KIF26B: variants seen among roughly 807,000 people sequenced by gnomAD.
The protein encoded by KIF26B is kinesin-like protein KIF26B.
A neutral mutation model predicts 151.2 loss-of-function variants in KIF26B; 63 were observed. That is an observed-to-expected ratio of 0.42 (90% CI 0.34 to 0.51). KIF26B has a LOEUF of 0.51. Among genes scored for constraint, KIF26B ranks in the 20% least tolerant of loss-of-function variants. The pLI is 0.07. For synonymous variants in KIF26B, 1,357 were observed against 1,262.1 expected, an observed-to-expected ratio of 1.08 and a Z score of -1.59; for missense variants, 2,813 against 2,913.6, an observed-to-expected ratio of 0.97 and a Z score of 0.79.
chr1:245,687,182 G>A lies in KIF26B; in HGVS notation c.4199G>A (p.Ser1400Asn). The change falls in exon 12 of 15, where the codon AGC (serine) becomes AAC (asparagine). Residue 1400 changes from serine to asparagine, a missense_variant. This residue lies in a region of KIF26B where 2,060 missense variants were observed against 2,088.6 expected (regional missense o/e 0.99). Coordinates refer to ENST00000407071, the MANE Select transcript of KIF26B (RefSeq NM_018012.4). The surrounding 1 kb of genome is among the most constrained non-coding windows in gnomAD (Gnocchi z 4.9). ...ACAGTTTACCCCTGCATTGCCATGAGCCCCCGGAACATCCAAGAGCCGGAG... is the reference window on the plus strand; with the variant it reads ...ACAGTTTACCCCTGCATTGCCATGAACCCCCGGAACATCCAAGAGCCGGAG... ...NITVYPCIAMSPRNIQEPEAP... is the reference protein window; with the variant it reads ...NITVYPCIAMNPRNIQEPEAP... 6.2e-7 allele frequency: 1 copy of A among 1,612,894 alleles called. No individual in the cohort carries two copies. The highest frequency in any genetic ancestry group is 8.5e-7 in the Non-Finnish European group (1 of 1,179,676).
rs369537278 is a variant in KIF26B at position 245,352,754 on chromosome 1, T to C, written c.466-14080T>C. 3.3e-4 allele frequency among the ~76,000 whole-genome samples: 50 copies of C among 152,218 alleles called. No individual in the cohort carries two copies. In the East Asian group the frequency reaches 5.0e-3, roughly 15 times the overall value. ...TCTTCGCATTTTTGGGAATCTCAAC[T>C]CCTGAGCCTGTCTTACTAGTACGGG... On this transcript the variant is annotated intron_variant, in intron 2 of 14. Coordinates refer to ENST00000407071, the MANE Select transcript of KIF26B (RefSeq NM_018012.4). This position sits in a 1 kb window ranked among gnomAD's most constrained non-coding sequence, Gnocchi z 5.0.
intron 4 of KIF26B, among the ~76,000 whole-genome samples, chr1:245,476,070 G>A (rs1660031958): frequency 6.6e-6 from 1 of 151,818 alleles, no homozygotes; most frequent in South Asian, 2.1e-4. Flanking sequence ...AAAGTTATTC[G>A]CCACAAAAAG....
At chr1:245,230,425 G>A (rs572410768) in intron 2 of KIF26B, among the ~76,000 whole-genome samples, 2 of 152,256 alleles carry the variant, frequency 1.3e-5, no homozygotes, top group South Asian at 2.1e-4. Context: ...GAAAATGGCA[G>A]CAAACATCCA....
At chr1:245,216,215 AC>A (rs1275016265) in intron 2 of KIF26B, 18 of 134,912 alleles carry the variant, frequency 1.3e-4, no homozygotes, top group African/African-American at 6.8e-4. Context: ...AAAAAAAAAC[AC>A]ACACACACAA....
chr1:245,387,144 GT>G (rs202098222), intron 3 of KIF26B, among the ~76,000 whole-genome samples: 2 of 144,828 alleles, frequency 1.4e-5, no homozygotes, highest in East Asian at 2.0e-4. Context: ...TCTGACCTAG[GT>G]TTTTTTTTGT....
intron 3 of KIF26B, among the ~76,000 whole-genome samples, chr1:245,408,417 C>A (rs538281003): frequency 7.5e-6 from 1 of 132,596 alleles, no homozygotes; most frequent in Non-Finnish European, 1.5e-5. Flanking sequence ...TGCAGTGGTG[C>A]GATCTCAGCT....
intron 2 of KIF26B, among the ~76,000 whole-genome samples, chr1:245,253,274 G>A (rs1428182865): frequency 6.6e-6 from 1 of 151,970 alleles, no homozygotes; most frequent in Non-Finnish European, 1.5e-5. Flanking sequence ...CTCCCAAAGT[G>A]CTGGGATTAC....
At chr1:245,258,525 T>C (rs1422253173) in intron 2 of KIF26B, among the ~76,000 whole-genome samples, 1 of 152,110 alleles carries the variant, frequency 6.6e-6, no homozygotes, top group Non-Finnish European at 1.5e-5. Context: ...CCTGCAAAAA[T>C]GAGCAGGTAA....
rs2043400231 is a variant in KIF26B, at chr1:245,601,917, G to A, written c.1351-660G>A. Among the ~76,000 whole-genome samples, 1 of 152,180 alleles carries A rather than the reference G, an allele frequency of 6.6e-6. No individual in the cohort carries two copies. Among genetic ancestry groups the A allele is most frequent in the South Asian group, 2.1e-4 (1 of 4,830 alleles). Reference sequence around the variant, plus strand: ...TCAGTGTTCAATCACGCAGAAAGTGGGCTAAAGGGCAGCGCCTCCTGCTCC... The same window carrying A: ...TCAGTGTTCAATCACGCAGAAAGTGAGCTAAAGGGCAGCGCCTCCTGCTCC... On this transcript the variant is annotated intron_variant, in intron 5 of 14. Transcript: ENST00000407071. This position sits in a 1 kb window ranked among gnomAD's most constrained non-coding sequence, Gnocchi z 4.4.
chr1:245,171,205 A>G (rs1668700813), intron 2 of KIF26B, among the ~76,000 whole-genome samples: 3 of 152,378 alleles, frequency 2.0e-5, no homozygotes, highest in Admixed American at 2.0e-4. Flanking sequence ...CCTCTTCAGC[A>G]CATTATATCT....
chr1:245,449,978 A>G (rs1048273413), intron 4 of KIF26B, among the ~76,000 whole-genome samples: 2 of 152,190 alleles, frequency 1.3e-5, no homozygotes, highest in Admixed American at 6.5e-5. Flanking sequence ...CATATGTGGT[A>G]GATGTGTTAT....
rs545771939 is a variant in KIF26B at position 245,505,181 on chromosome 1, G to A, written c.1167-35586G>A. Among the ~76,000 whole-genome samples, 59 of 149,650 alleles carry A rather than the reference G, an allele frequency of 3.9e-4. 1 individual carries two copies. Among genetic ancestry groups the A allele is most frequent in the African/African-American group, 4.9e-4 (20 of 40,716 alleles). ...TCGAACTCATGACCTCAAGTGATCC[G>A]CCTGCCTTGGCCTCCAAAAGTGCTG... On this transcript the variant is annotated intron_variant, in intron 4 of 14. Transcript: ENST00000407071.
At chr1:245,414,598 C>T (rs1230714804) in intron 3 of KIF26B, among the ~76,000 whole-genome samples, 3 of 152,304 alleles carry the variant, frequency 2.0e-5, no homozygotes, top group Non-Finnish European at 2.9e-5. Flanking sequence ...GCGGGGCTCA[C>T]GTATGGGAAC....
chr1:245,409,726 G>A (rs1010579316), intron 3 of KIF26B, among the ~76,000 whole-genome samples: 12 of 152,094 alleles, frequency 7.9e-5, no homozygotes, highest in Non-Finnish European at 5.9e-5. Context: ...GCTGGCTGGG[G>A]GTGCTGGACA....
chr1:245,531,906 G>A (rs1311826432), intron 4 of KIF26B, among the ~76,000 whole-genome samples: 2 of 152,076 alleles, frequency 1.3e-5, no homozygotes, highest in Non-Finnish European at 2.9e-5. Flanking sequence ...AGACCATCCT[G>A]GGCAACAAAG....
chr1:245,158,837 A>T (rs1026089349), intron 2 of KIF26B, among the ~76,000 whole-genome samples: 4 of 61,022 alleles, frequency 6.6e-5, no homozygotes, highest in African/African-American at 2.4e-4. Flanking sequence ...GTGAATAATA[A>T]TTGTGTGTGT....
chr1:245,685,832 T>C lies in KIF26B; in HGVS notation c.2849T>C (p.Leu950Pro), dbSNP rs751705273. The C allele has an allele frequency of 5.0e-6, 8 of 1,611,940 alleles. No individual in the cohort carries two copies. The South Asian group carries it at 6.6e-5, about 13-fold the overall frequency. The change falls in exon 12 of 15, where the codon CTG (leucine) becomes CCG (proline). Residue 950 changes from leucine (L) to proline (P), a missense_variant. Leu to Pro is a moderately conservative substitution (Grantham distance 98). Transcript: ENST00000407071. ...CCCAGCAGCTTTCCTTTCGAAGAAC[T>C]GCCTGCTCAGTTTGGGCCAGAGCAG... ...EEPSSFPFEE[L>P]PAQFGPEQAS...
At chr1:245,489,784 G>A (rs939908386) in intron 4 of KIF26B, among the ~76,000 whole-genome samples, 2 of 152,184 alleles carry the variant, frequency 1.3e-5, no homozygotes, top group Admixed American at 6.5e-5. Flanking sequence ...CATTGCTAAT[G>A]TTATTCTTAT....
At chr1:245,505,600 G>C (rs1401054947) in intron 4 of KIF26B, among the ~76,000 whole-genome samples, 2 of 151,982 alleles carry the variant, frequency 1.3e-5, no homozygotes, top group East Asian at 3.9e-4. Context: ...GGCCAGGCTG[G>C]TCTTGAACTC....
Sources: gnomAD v4.1 joint callset for allele counts (sites outside exome capture counted in the v4.1 genomes callset) on GRCh38, gnomAD v4.1.1 for gene constraint, gnomAD v4.1.1 regional missense constraint, Gnocchi (gnomAD v3.1) non-coding constraint, MANE v1.5 for transcripts, NCBI Gene and HGNC (gene_info 2026-07-23, HGNC 2026-07-21) for gene names.